The following FOXP2 variants were observed in gnomAD, a reference collection of about 807,000 sequenced individuals.
The protein encoded by FOXP2 is forkhead box protein P2.
A neutral mutation model predicts 115.8 loss-of-function variants in FOXP2; 12 were observed. The observed-to-expected ratio is 0.10, with a 90% CI of 0.07 to 0.17. The LOEUF (loss-of-function observed/expected upper bound fraction) is 0.17. FOXP2 is among the 10% of genes least tolerant of loss of function. The pLI is 1.00. For missense variants in FOXP2, 629 were observed against 843.5 expected, an observed-to-expected ratio of 0.75 and a Z score of 3.15; for synonymous variants, 328 against 297.7, an observed-to-expected ratio of 1.10 and a Z score of -1.05.
At chr7:114,447,316 T>G (rs74424488) in intron 2 of FOXP2, among the ~76,000 whole-genome samples, 5,006 of 152,176 alleles carry the variant, frequency 0.033, 245 homozygotes, top group African/African-American at 0.11. Context: ...GAAATCCAAA[T>G]TTGGGCATGT....
intron 2 of FOXP2, among the ~76,000 whole-genome samples, chr7:114,304,945 T>C (rs1258583123): frequency 6.6e-6 from 1 of 152,114 alleles, no homozygotes; most frequent in Non-Finnish European, 1.5e-5. Flanking sequence ...ATACAAATAG[T>C]AAGCTAGATA....
At chr7:114,637,696 C>T (rs1051391170) in intron 6 of FOXP2, among the ~76,000 whole-genome samples, 5 of 151,756 alleles carry the variant, frequency 3.3e-5, no homozygotes, top group East Asian at 1.9e-4. Flanking sequence ...TAGTGGTGAG[C>T]GCTAAGGAGA....
At chr7:114,581,504 AG>A (rs1801868076) in intron 3 of FOXP2, among the ~76,000 whole-genome samples, 1 of 152,120 alleles carries the variant, frequency 6.6e-6, no homozygotes, top group Non-Finnish European at 1.5e-5. Context: ...AGCAAAACTG[AG>A]AGAAAGTTAG....
intron 2 of FOXP2, among the ~76,000 whole-genome samples, chr7:114,468,411 A>G (rs1353183527): frequency 2.0e-5 from 3 of 152,094 alleles, no homozygotes; most frequent in African/African-American, 7.2e-5. Flanking sequence ...GTTTATTATT[A>G]CCTTCAGGAT....
chr7:114,345,706 G>C (rs1425630061), intron 2 of FOXP2, among the ~76,000 whole-genome samples: 2 of 151,646 alleles, frequency 1.3e-5, no homozygotes, highest in Non-Finnish European at 3.0e-5. Flanking sequence ...TACGCAAAAT[G>C]AGTACAGTAC....
chr7:114,304,669 CAAAAAAAAAAAAAAA>C (rs71157580), intron 2 of FOXP2, among the ~76,000 whole-genome samples: 4 of 65,140 alleles, frequency 6.1e-5, no homozygotes, highest in South Asian at 7.0e-4. Flanking sequence ...GACTCTGTCT[CAAAAAAAAAAAAAAA>C]AAAAAAAAAA....
chr7:114,580,708 G>T (rs1304059116), intron 3 of FOXP2, among the ~76,000 whole-genome samples: 1 of 152,158 alleles, frequency 6.6e-6, no homozygotes, highest in Non-Finnish European at 1.5e-5. Context: ...TTTTATACCT[G>T]GTTATCTGTA....
intron 2 of FOXP2, among the ~76,000 whole-genome samples, chr7:114,378,269 T>G (rs1172622527): frequency 6.6e-6 from 1 of 152,144 alleles, no homozygotes; most frequent in African/African-American, 2.4e-5. Flanking sequence ...AGGAGTTAGA[T>G]GGAGTATCAA....
rs575046089 is a variant in FOXP2, at chr7:114,268,390, A to C, written c.-101-19629A>C. Among the ~76,000 whole-genome samples, 7 of 152,348 alleles carry C rather than the reference A, an allele frequency of 4.6e-5. No individual in the cohort carries two copies. The South Asian group carries it at 1.4e-3, about 32-fold the overall frequency. On this transcript the variant is annotated intron_variant, in intron 1 of 17. Coordinates refer to the FOXP2 transcript ENST00000634411. ...CTCATACATAGGATAATATTAGGGCATATTAGAATTTAGTGAAACATAAAT... is the reference window on the plus strand; with the variant it reads ...CTCATACATAGGATAATATTAGGGCCTATTAGAATTTAGTGAAACATAAAT...
rs1227202385 is a variant in FOXP2 at position 114,346,804 on chromosome 7, G to A, written c.-11+58695G>A. On this transcript the variant is annotated intron_variant, in intron 2 of 17. Coordinates refer to the FOXP2 transcript ENST00000634411. ...CTGGATGGAGAGAGGGGAAGGGAGG[G>A]AAGGATAGAGAGTGGTTGGTCAAAA... Among the ~76,000 whole-genome samples, 25 of 151,700 alleles carry A rather than the reference G, an allele frequency of 1.6e-4. No individual in the cohort carries two copies. In the Admixed American group the frequency reaches 1.7e-3, roughly 10 times the overall value.
intron 2 of FOXP2, among the ~76,000 whole-genome samples, chr7:114,490,331 A>C (rs1378612088): frequency 1.3e-5 from 2 of 152,148 alleles, no homozygotes; most frequent in Non-Finnish European, 2.9e-5. Context: ...GCTACATACT[A>C]TATGATTCCA....
chr7:114,207,488 A>C (rs2129160985), intron 1 of FOXP2, among the ~76,000 whole-genome samples: 1 of 152,328 alleles, frequency 6.6e-6, no homozygotes, highest in African/African-American at 2.4e-5. Context: ...ATACAGTATA[A>C]AACATTTAGC....
At chr7:114,167,626 G>T (rs981821922) in intron 1 of FOXP2, among the ~76,000 whole-genome samples, 2 of 151,986 alleles carry the variant, frequency 1.3e-5, no homozygotes, top group Non-Finnish European at 2.9e-5. Context: ...CGTCTCAGGA[G>T]ATCTGATGGT....
chr7:114,122,598 G>A (rs903789590), intron 1 of FOXP2, among the ~76,000 whole-genome samples: 8 of 151,576 alleles, frequency 5.3e-5, no homozygotes, highest in Non-Finnish European at 1.5e-5. Context: ...CCCATCTTTG[G>A]GGTTTTCAGC....
chr7:114,254,977 A>C (rs1795568709), intron 1 of FOXP2, among the ~76,000 whole-genome samples: 1 of 152,128 alleles, frequency 6.6e-6, no homozygotes, highest in African/African-American at 2.4e-5. Flanking sequence ...TTTGGTGTGG[A>C]TGTCCTTTCT....
chr7:114,446,278 C>T (rs558695413), intron 2 of FOXP2, among the ~76,000 whole-genome samples: 131 of 151,906 alleles, frequency 8.6e-4, no homozygotes, highest in Non-Finnish European at 1.1e-3. Context: ...TCATATTTGC[C>T]TCTGAGTTAC....
chr7:114,619,919 T>C (rs1466627524), intron 3 of FOXP2, among the ~76,000 whole-genome samples: 1 of 152,070 alleles, frequency 6.6e-6, no homozygotes, highest in Non-Finnish European at 1.5e-5. Context: ...AGGAAATAGT[T>C]TTGCATGACA....
chr7:114,161,536 A>AT (rs1269852542), upstream of FOXP2, among the ~76,000 whole-genome samples: 612 of 36,536 alleles, frequency 0.017, 7 homozygotes, highest in African/African-American at 0.051. Context: ...TTCTCACAAT[A>AT]GTTTTTTTTT....
rs548096233 is a variant in FOXP2, at chr7:114,245,670, T to C, written c.-101-42349T>C. On this transcript the variant is annotated intron_variant, in intron 1 of 17. Transcript: ENST00000634411. Reference sequence around the variant, plus strand: ...TGCTTTTTCAATTTATCTCAGATTATTCATAGAGCTGAAGATGCCGTGTAT... The same window carrying C: ...TGCTTTTTCAATTTATCTCAGATTACTCATAGAGCTGAAGATGCCGTGTAT... Among the ~76,000 whole-genome samples, 3 of 152,348 alleles carry C rather than the reference T, an allele frequency of 2.0e-5. No individual in the cohort carries two copies. In the South Asian group the frequency reaches 6.2e-4, roughly 32 times the overall value.
Sources: allele counts gnomAD v4.1 joint callset (sites outside exome capture counted in the v4.1 genomes callset), GRCh38; gene constraint gnomAD v4.1.1; transcripts MANE v1.5; gene names NCBI Gene and HGNC (gene_info 2026-07-23, HGNC 2026-07-21).